ZNF558: variants seen among roughly 807,000 people sequenced by gnomAD.
ZNF558 encodes zinc finger protein 558.
A neutral mutation model predicts 37.6 loss-of-function variants in ZNF558; 23 were observed. The ratio of observed to expected loss-of-function variants is 0.61; its 90% CI spans 0.44 to 0.87. The LOEUF (loss-of-function observed/expected upper bound fraction) is 0.87, where lower values mean the gene tolerates loss of function less well. Ranked by LOEUF, ZNF558 falls within the 40% of genes least tolerant of loss-of-function variation. The pLI is 0.00. For missense variants in ZNF558, 429 were observed against 483.7 expected, an observed-to-expected ratio of 0.89 and a Z score of 1.06; for synonymous variants, 189 against 174.4, an observed-to-expected ratio of 1.08 and a Z score of -0.66.
chr19:8,811,669 C>T lies in ZNF558; in HGVS notation c.821G>A (p.Ser274Asn). The change falls in exon 10 of 10, where the codon AGC becomes AAC. Residue 274 changes from serine to asparagine, a missense_variant. Transcript: ENST00000601372. Reference sequence around the variant, plus strand: ...GTGCCCAGTGAGAGAGGACCTTGTGCTGAAAGCTTTTCCACACTGATTACA... The same window carrying T: ...GTGCCCAGTGAGAGAGGACCTTGTGTTGAAAGCTTTTCCACACTGATTACA... ...HECNQCGKAF[S>N]TRSSLTGHNS... is the part of the protein sequence containing the mutation. 1.2e-6 allele frequency: 2 copies of T among 1,614,170 alleles called. No homozygotes were observed. The highest frequency in any genetic ancestry group is 1.7e-6 in the Non-Finnish European group (2 of 1,180,032).
intron 1 of ZNF558, among the ~76,000 whole-genome samples, chr19:8,831,913 G>A (rs2044366759): frequency 6.6e-6 from 1 of 152,270 alleles, no homozygotes; most frequent in East Asian, 1.9e-4. Flanking sequence ...GGTGACAGTA[G>A]CAGCCTCCCC....
Position 8,821,984 on chromosome 19 carries a change from A to G in ZNF558, c.120+19T>C. On this transcript the variant is annotated intron_variant, in intron 6 of 9. Transcript: ENST00000601372. ...TGGCCAAAGGAATAATGATTTGGGA[A>G]AAGGAACATCTGACTCACCCGTAGC... 6.2e-7 allele frequency: 1 copy of G among 1,613,676 alleles called. No homozygotes were observed. The highest frequency in any genetic ancestry group is 8.5e-7 in the Non-Finnish European group (1 of 1,179,702).
chr19:8,822,172 C>A lies in ZNF558; in HGVS notation c.32-81G>T, dbSNP rs1053181560. 6 of 1,541,830 alleles carry A rather than the reference C, an allele frequency of 3.9e-6. No individual in the cohort carries two copies. Among genetic ancestry groups the A allele is most frequent in the Non-Finnish European group, 4.4e-6 (5 of 1,124,332 alleles). On this transcript the variant is annotated intron_variant, in intron 5 of 9. Transcript: ENST00000601372. This position sits in a 1 kb window ranked among gnomAD's most constrained non-coding sequence, Gnocchi z 4.4. ...TGCCCCTGATTGACCACACCCACCT[C>A]CCACACCCACACGGATGAGGCACCA...
At position 8,810,887 on chromosome 19, in the gene ZNF558, C is replaced by T. The variant is rs1195849180; in HGVS notation, c.*394G>A. On this transcript the variant is annotated 3_prime_UTR_variant, in exon 10 of 10. Transcript: ENST00000601372. ...TGGCGAGAACTTATTGCCAAATTGT[C>T]AAGGAGCTGGGCCTTGTAAAGAGGC... 1.2e-5 allele frequency: 2 copies of T among 166,362 alleles called. No individual in the cohort carries two copies. The highest frequency in any genetic ancestry group is 3.6e-4 in the East Asian group (2 of 5,624). The allele number at this position is 166,362 out of a possible 1,614,324, so 10.3% of individuals were successfully genotyped here.
upstream of ZNF558, among the ~76,000 whole-genome samples, chr19:8,834,324 A>T (rs1169822983): frequency 6.6e-6 from 1 of 152,104 alleles, no homozygotes; most frequent in East Asian, 1.9e-4. Context: ...AAAGAATGAA[A>T]TTGGGCTGGG....
rs781916523 is a variant in ZNF558, at chr19:8,811,482, A to T, written c.1008T>A (p.Thr336=). 6.2e-6 allele frequency: 10 copies of T among 1,614,022 alleles called. No individual in the cohort carries two copies. Among genetic ancestry groups the T allele is most frequent in the Admixed American group, 1.7e-5 (1 of 59,994 alleles). ...CTCCGGTATGTATTCTCTTGTGCAC[A>T]GTAAGAGAAAAGCTACTGCTGAAGG... is the stretch of plus-strand genomic sequence containing the variant. ...GKSFSSSFSL[T]VHKRIHTGEK... is the part of the protein sequence containing the mutation. Residue 336 remains threonine, a synonymous_variant, in exon 10 of 10, where the codon ACT becomes ACA. Coordinates refer to ENST00000601372, the MANE Select transcript of ZNF558 (RefSeq NM_144693.3).
intron 2 of ZNF558, among the ~76,000 whole-genome samples, chr19:8,828,938 G>C (rs1309069910): frequency 1.3e-5 from 2 of 150,498 alleles, no homozygotes; most frequent in Non-Finnish European, 3.0e-5. Flanking sequence ...ACTCCAGCCT[G>C]GGTGACCAAG....
intron 7 of ZNF558, among the ~76,000 whole-genome samples, chr19:8,814,035 C>T (rs1299063942): frequency 6.6e-6 from 1 of 152,138 alleles, no homozygotes; most frequent in South Asian, 2.1e-4. Context: ...CATCCCTCCA[C>T]AAAAACAGTG....
At position 8,817,121 on chromosome 19, in the gene ZNF558, G is replaced by A. The variant is rs566935856; in HGVS notation, c.248-3899C>T. Among the ~76,000 whole-genome samples the A allele has an allele frequency of 1.2e-4, 18 of 152,138 alleles. No homozygotes were observed. The East Asian group carries it at 2.7e-3, about 23-fold the overall frequency. On this transcript the variant is annotated intron_variant, in intron 7 of 9. Transcript: ENST00000601372. ...CTTAGGAACAAAAATGATATGACACGTAGAAAAAAGTAAATAGTTATAGAG... is the reference window on the plus strand; with the variant it reads ...CTTAGGAACAAAAATGATATGACACATAGAAAAAAGTAAATAGTTATAGAG...
chr19:8,827,209 G>A (rs1320805229), intron 2 of ZNF558, among the ~76,000 whole-genome samples: 1 of 151,966 alleles, frequency 6.6e-6, no homozygotes, highest in Admixed American at 6.5e-5. Context: ...CACAGCAGAT[G>A]GGCCACTCTA....
intron 7 of ZNF558, 86 bp from the exon 8 acceptor site, chr19:8,813,308 G>A: frequency 9.7e-7 from 1 of 1,026,494 alleles, no homozygotes; most frequent in Non-Finnish European, 1.5e-6. Context: ...TTATGAAGAT[G>A]GAAAAGTGTG....
At chr19:8,813,060 A>C in intron 8 of ZNF558, 67 bp downstream of exon 8, 2 of 1,266,662 alleles carry the variant, frequency 1.6e-6, no homozygotes, top group South Asian at 2.6e-5. Flanking sequence ...CTAATGTAAT[A>C]CTCCCAACCC....
chr19:8,836,326 G>C (rs1192342683), upstream of ZNF558, among the ~76,000 whole-genome samples: 2 of 151,950 alleles, frequency 1.3e-5, no homozygotes, highest in Admixed American at 1.3e-4. Flanking sequence ...CTACAAAAAT[G>C]TGAGTTCTTC....
In ZNF558 at chr19:8,822,482, G is replaced by C; in HGVS notation, c.31+147C>G. ...AATGCCTAAGTCCCAAATCCCGAGA[G>C]CTGCCCGATCAGACACGGAGGACCT... On this transcript the variant is annotated intron_variant, in intron 5 of 9. Coordinates refer to ENST00000601372, the MANE Select transcript of ZNF558 (RefSeq NM_144693.3). This position sits in a 1 kb window ranked among gnomAD's most constrained non-coding sequence, Gnocchi z 4.4. 1.8e-6 allele frequency: 2 copies of C among 1,116,140 alleles called. No individual in the cohort carries two copies. The highest frequency in any genetic ancestry group is 2.6e-6 in the Non-Finnish European group (2 of 771,360). 69.1% of individuals were successfully genotyped at this position (1,116,140 alleles called of 1,614,324 possible).
chr19:8,821,631 T>C, intron 6 of ZNF558: 2 of 1,324,822 alleles, frequency 1.5e-6, no homozygotes, highest in East Asian at 3.2e-5. Flanking sequence ...CTTATTTCCC[T>C]CAATCTCCAG....
In ZNF558 at chr19:8,809,801, C is replaced by A. The variant is rs781996490; in HGVS notation, c.*1480G>T. 1 of 152,124 alleles carries A rather than the reference C, an allele frequency of 6.6e-6. No individual in the cohort carries two copies. The highest frequency in any genetic ancestry group is 2.4e-5 in the African/African-American group (1 of 41,424). The allele number at this position is 152,124 out of a possible 1,614,324, so 9.4% of individuals were successfully genotyped here. ...AAGACTAAAAAAATTAATGAGCCAG[C>A]AGTCCAATCTACAGATGAGACACTG... On this transcript the variant is annotated 3_prime_UTR_variant, in exon 10 of 10. Coordinates refer to ENST00000601372, the MANE Select transcript of ZNF558 (RefSeq NM_144693.3).
chr19:8,816,857 C>A (rs2043952268), intron 7 of ZNF558, among the ~76,000 whole-genome samples: 1 of 152,092 alleles, frequency 6.6e-6, no homozygotes, highest in Non-Finnish European at 1.5e-5. Context: ...TTAATGGGCA[C>A]ACAATGCATA....
At chr19:8,813,280 ATG>A in intron 7 of ZNF558, 58 bp from the exon 8 acceptor site, 1 of 1,385,760 alleles carries the variant, frequency 7.2e-7, no homozygotes. Flanking sequence ...AACCAAGTCC[ATG>A]AAAGAAAGCC....
intron 7 of ZNF558, among the ~76,000 whole-genome samples, chr19:8,818,060 G>A (rs913890855): frequency 6.6e-5 from 10 of 152,104 alleles, no homozygotes; most frequent in Admixed American, 4.6e-4. Context: ...ACATTCTCCA[G>A]GATAGATTAT....
Sources: allele counts gnomAD v4.1 joint callset (sites outside exome capture counted in the v4.1 genomes callset), GRCh38; gene constraint gnomAD v4.1.1; non-coding constraint Gnocchi (gnomAD v3.1); transcripts MANE v1.5; gene names NCBI Gene and HGNC (gene_info 2026-07-23, HGNC 2026-07-21).